SCD5: variants seen among roughly 807,000 people sequenced by gnomAD.
The protein encoded by SCD5 is acyl-CoA-desaturase 4.
A neutral mutation model predicts 30.4 loss-of-function variants in SCD5; 20 were observed. The ratio of observed to expected loss-of-function variants is 0.66; its 90% CI spans 0.46 to 0.96. SCD5 has a LOEUF of 0.96. SCD5 is among the 40% of genes least tolerant of loss of function. SCD5 has a pLI of 0.00. For synonymous variants in SCD5, 173 were observed against 176.4 expected, an observed-to-expected ratio of 0.98 and a Z score of 0.16; for missense variants, 381 against 443.3, an observed-to-expected ratio of 0.86 and a Z score of 1.26.
chr4:82,688,272 G>A (rs746004787), intron 2 of SCD5, among the ~76,000 whole-genome samples: 2 of 152,140 alleles, frequency 1.3e-5, no homozygotes, highest in East Asian at 1.9e-4. Context: ...AAATATGCGT[G>A]TGCATGCATG....
chr4:82,750,759 A>G (rs1526060), intron 1 of SCD5, among the ~76,000 whole-genome samples: 118,563 of 152,140 alleles, frequency 0.78, 46,550 homozygotes, highest in Non-Finnish European at 0.82. Flanking sequence ...GGTAGGGAGG[A>G]CTCAGAAGTC....
intron 2 of SCD5, among the ~76,000 whole-genome samples, chr4:82,699,570 G>T (rs201231636): frequency 1.6e-4 from 22 of 141,186 alleles, no homozygotes; most frequent in African/African-American, 4.2e-4. Flanking sequence ...TTTGTTTTTT[G>T]TTTTTTTTTT....
chr4:82,754,627 G>A (rs1485589817), intron 1 of SCD5, among the ~76,000 whole-genome samples: 1 of 152,178 alleles, frequency 6.6e-6, no homozygotes, highest in Non-Finnish European at 1.5e-5. Context: ...TTTTGGAATG[G>A]CATTTGCCAA....
intron 1 of SCD5, among the ~76,000 whole-genome samples, chr4:82,765,365 C>T (rs542561870): frequency 8.5e-5 from 13 of 152,246 alleles, no homozygotes; most frequent in African/African-American, 3.1e-4. Context: ...TGTCATCATC[C>T]TTGTTTTTTT....
At chr4:82,671,241 A>C (rs1216524832) in intron 3 of SCD5, among the ~76,000 whole-genome samples, 2 of 152,186 alleles carry the variant, frequency 1.3e-5, no homozygotes, top group Non-Finnish European at 2.9e-5. Context: ...AAATATGTGA[A>C]GCAAAAACTG....
chr4:82,797,698 A>AGT (rs1722254431), intron 1 of SCD5, among the ~76,000 whole-genome samples: 1 of 152,012 alleles, frequency 6.6e-6, no homozygotes, highest in South Asian at 2.1e-4. Context: ...GCAAATGGGC[A>AGT]TAGAAGATTG....
At chr4:82,689,923 T>G (rs1728794775) in intron 2 of SCD5, among the ~76,000 whole-genome samples, 1 of 152,194 alleles carries the variant, frequency 6.6e-6, no homozygotes, top group Non-Finnish European at 1.5e-5. Flanking sequence ...AGTCTAATTA[T>G]GAAGTAACAT....
chr4:82,797,651 G>C (rs1057178655), intron 1 of SCD5, among the ~76,000 whole-genome samples: 4 of 151,900 alleles, frequency 2.6e-5, no homozygotes, highest in Admixed American at 2.6e-4. Flanking sequence ...TCTCGCCATG[G>C]GATCGGTTTG....
chr4:82,646,748 A>T (rs1727641394), intron 3 of SCD5, among the ~76,000 whole-genome samples: 1 of 152,220 alleles, frequency 6.6e-6, no homozygotes, highest in Non-Finnish European at 1.5e-5. Context: ...AGCAGAGGGC[A>T]GACCACTGCT....
At chr4:82,770,343 C>T (rs866672949) in intron 1 of SCD5, among the ~76,000 whole-genome samples, 16 of 152,170 alleles carry the variant, frequency 1.1e-4, no homozygotes, top group African/African-American at 2.7e-4. Flanking sequence ...TTTTCCCTTT[C>T]CCATCTCCCT....
chr4:82,706,357 A>G (rs921810111), intron 1 of SCD5, among the ~76,000 whole-genome samples: 11 of 152,250 alleles, frequency 7.2e-5, no homozygotes, highest in African/African-American at 2.2e-4. Context: ...ACTCTAATCC[A>G]CATTTCCCAG....
At chr4:82,784,752 C>T (rs562666399) in intron 1 of SCD5, among the ~76,000 whole-genome samples, 7 of 152,104 alleles carry the variant, frequency 4.6e-5, no homozygotes, top group South Asian at 2.1e-4. Flanking sequence ...GAAGATTATA[C>T]GGATTATGTA....
At chr4:82,781,415 C>CA (rs113300695) in intron 1 of SCD5, among the ~76,000 whole-genome samples, 15,214 of 129,478 alleles carry the variant, frequency 0.12, 797 homozygotes, top group Middle Eastern at 0.15. Context: ...GACTCTGTCT[C>CA]AAAAAAAAAA....
chr4:82,771,667 C>T (rs1223852657), intron 1 of SCD5, among the ~76,000 whole-genome samples: 2 of 152,186 alleles, frequency 1.3e-5, no homozygotes, highest in Non-Finnish European at 2.9e-5. Flanking sequence ...CCCATGCCTG[C>T]CTCTCCACCT....
intron 3 of SCD5, among the ~76,000 whole-genome samples, chr4:82,663,003 T>C (rs1022224888): frequency 6.6e-6 from 1 of 151,930 alleles, no homozygotes; most frequent in Admixed American, 6.6e-5. Context: ...ATGCAGACTA[T>C]AAAATAGGAT....
At chr4:82,719,544 C>T (rs2148831729) in intron 1 of SCD5, among the ~76,000 whole-genome samples, 1 of 149,226 alleles carries the variant, frequency 6.7e-6, no homozygotes, top group East Asian at 1.9e-4. Context: ...CGCTCTGTCG[C>T]CCAGGCCGGA....
chr4:82,739,107 G>C (rs1017138489), intron 1 of SCD5, among the ~76,000 whole-genome samples: 5 of 152,058 alleles, frequency 3.3e-5, no homozygotes, highest in African/African-American at 4.8e-5. Context: ...TGTGACTTTG[G>C]GGCCAAATGC....
At chr4:82,660,873 C>T (rs1204223475) in intron 3 of SCD5, 1 of 1,614,006 alleles carries the variant, frequency 6.2e-7, no homozygotes, top group East Asian at 2.2e-5. Flanking sequence ...TCTCTTCTGA[C>T]CTTCAGAATA....
chr4:82,764,718 T>C (rs991945530), intron 1 of SCD5, among the ~76,000 whole-genome samples: 2 of 142,480 alleles, frequency 1.4e-5, no homozygotes, highest in Admixed American at 6.8e-5. Context: ...TTTTAAATAT[T>C]TTCTTTTCTT....
Sources: allele counts gnomAD v4.1 joint callset (sites outside exome capture counted in the v4.1 genomes callset), GRCh38; gene constraint gnomAD v4.1.1; transcripts MANE v1.5; gene names NCBI Gene and HGNC (gene_info 2026-07-23, HGNC 2026-07-21).